DNAH8: variants seen among roughly 807,000 people sequenced by gnomAD.
The protein encoded by DNAH8 is axonemal beta dynein heavy chain 8.
In DNAH8, 382 loss-of-function variants were observed where a neutral mutation model predicts 562.1. That is an observed-to-expected ratio of 0.68 (90% CI 0.63 to 0.74). The LOEUF (loss-of-function observed/expected upper bound fraction) is 0.74, where lower values mean the gene tolerates loss of function less well. Ranked by LOEUF, DNAH8 falls within the 30% of genes least tolerant of loss-of-function variation. DNAH8 has a pLI of 0.00. For synonymous variants in DNAH8, 1,881 were observed against 1,919.4 expected (o/e 0.98, Z 0.52); for missense variants, 5,203 against 5,620.4 (o/e 0.93, Z 2.37).
chr6:38,770,269 G>A (rs1767428128), intron 11 of DNAH8, 144 bp from the exon 12 acceptor site: 2 of 480,586 alleles, frequency 4.2e-6, no homozygotes, highest in Non-Finnish European at 7.0e-6. Flanking sequence ...GTTGAAATGA[G>A]GATGAAAATA....
At chr6:38,776,294 T>G (rs1378216037) in intron 13 of DNAH8, among the ~76,000 whole-genome samples, 1 of 151,434 alleles carries the variant, frequency 6.6e-6, no homozygotes, top group Non-Finnish European at 1.5e-5. Flanking sequence ...CTTGGTTCAC[T>G]GCAACCTCCA....
At position 38,923,470 on chromosome 6, in the gene DNAH8, T is replaced by C. The variant is rs1583364115; in HGVS notation, c.10790+285T>C. 1.5e-5 allele frequency: 4 copies of C among 263,720 alleles called. No individual in the cohort carries two copies. In the East Asian group the frequency reaches 3.4e-4, roughly 22 times the overall value. The allele number at this position is 263,720 out of a possible 1,614,324, so 16.3% of individuals were successfully genotyped here. A position where few individuals can be genotyped will look rare whatever the true frequency, so the allele number is the denominator to read the frequency against. ...TCCAGTTCTCTATGCTTCACCTCAA[T>C]GATTTTGAAAGTGTGGATCAATGGT... On this transcript the variant is annotated intron_variant, in intron 72 of 92. Transcript: ENST00000327475.
chr6:38,893,558 T>G (rs867279184), intron 58 of DNAH8, among the ~76,000 whole-genome samples: 1 of 152,330 alleles, frequency 6.6e-6, no homozygotes, highest in Middle Eastern at 3.4e-3. Context: ...TTTTACATAC[T>G]TGTAATATAA....
At chr6:39,000,994 G>C (rs776619841) in intron 88 of DNAH8, among the ~76,000 whole-genome samples, 32 of 152,150 alleles carry the variant, frequency 2.1e-4, no homozygotes, top group Non-Finnish European at 2.1e-4. Context: ...CTTAGACTGG[G>C]ATGCACACAC....
intron 82 of DNAH8, among the ~76,000 whole-genome samples, chr6:38,960,294 A>G (rs907252310): frequency 2.0e-5 from 3 of 152,070 alleles, no homozygotes; most frequent in Admixed American, 2.0e-4. Context: ...AAGCTTTTGC[A>G]TGGCAAAGGA....
chr6:38,885,618 T>C (rs1778858309), intron 56 of DNAH8, among the ~76,000 whole-genome samples: 1 of 152,186 alleles, frequency 6.6e-6, no homozygotes, highest in Non-Finnish European at 1.5e-5. Context: ...CCGTGACTCT[T>C]TGCTTCCACC....
Position 38,750,482 on chromosome 6 carries a change from C to A in DNAH8, c.1300C>A (p.Arg434Ser). 1 of 1,602,490 alleles carries A rather than the reference C, an allele frequency of 6.2e-7. No homozygotes were observed. Among genetic ancestry groups the A allele is most frequent in the Non-Finnish European group, 8.5e-7 (1 of 1,172,730 alleles). ...TTATACCTTTTTTTCTTAGAATTGGCGTGATTTGGATGCAAGAATCACTGA... is the reference window on the plus strand; with the variant it reads ...TTATACCTTTTTTTCTTAGAATTGGAGTGATTTGGATGCAAGAATCACTGA... ...VAHSKLLKNW[R>S]DLDARITDTA... Residue 434 changes from arginine to serine, a missense_variant, in exon 9 of 93, where the codon CGT (arginine) becomes AGT (serine). Physicochemically the swap from Arg to Ser is moderately radical, Grantham distance 110 (BLOSUM62 -1). Coordinates refer to ENST00000327475, the MANE Select transcript of DNAH8 (RefSeq NM_001206927.2).
chr6:38,950,600 C>T (rs902769008), intron 81 of DNAH8, among the ~76,000 whole-genome samples: 31 of 151,858 alleles, frequency 2.0e-4, no homozygotes, highest in Non-Finnish European at 4.0e-4. Context: ...CCACCACGCC[C>T]GGCTAATTTT....
At chr6:38,849,693 AT>A (rs1448475244) in intron 37 of DNAH8, among the ~76,000 whole-genome samples, 6 of 152,070 alleles carry the variant, frequency 3.9e-5, no homozygotes, top group Non-Finnish European at 8.8e-5. Context: ...AAGAGGAAAG[AT>A]TATGCCAATT....
intron 30 of DNAH8, 103 bp downstream of exon 30, chr6:38,828,391 A>G (rs1773552714): frequency 1.7e-6 from 1 of 605,700 alleles, no homozygotes; most frequent in East Asian, 3.1e-5. Flanking sequence ...CATGTGCCAC[A>G]TAACAATGTT....
At chr6:38,943,536 C>G (rs371621350) in intron 79 of DNAH8, among the ~76,000 whole-genome samples, 23 of 151,982 alleles carry the variant, frequency 1.5e-4, no homozygotes, top group Admixed American at 3.3e-4. Flanking sequence ...TTGCAAGGTG[C>G]CTTTGACTTT....
chr6:38,779,707 T>A (rs776247005), intron 14 of DNAH8, among the ~76,000 whole-genome samples: 2 of 152,224 alleles, frequency 1.3e-5, no homozygotes, highest in South Asian at 4.1e-4. Context: ...CTCTTAGTTA[T>A]AGGCATTTCT....
At chr6:38,946,409 GTCAATTGGATAAAC>G (rs1234103871) in intron 80 of DNAH8, among the ~76,000 whole-genome samples, 4 of 152,340 alleles carry the variant, frequency 2.6e-5, no homozygotes, top group Admixed American at 1.3e-4. Flanking sequence ...TTGGGTCTGA[GTCAATTGGATAAAC>G]TCTCTGGGTT....
At chr6:38,890,892 C>A in intron 58 of DNAH8, 131 bp downstream of exon 58, 1 of 631,442 alleles carries the variant, frequency 1.6e-6, no homozygotes, top group Non-Finnish European at 2.8e-6. Flanking sequence ...ATTACGTGCT[C>A]AAATAGATTT....
At chr6:38,945,360 C>T in intron 79 of DNAH8, 107 bp from the exon 80 acceptor site, 1 of 1,203,630 alleles carries the variant, frequency 8.3e-7, no homozygotes, top group Non-Finnish European at 1.2e-6. Context: ...TCCAATTTTC[C>T]TATATTTTCA....
chr6:38,963,665 C>T (rs2150671234), intron 82 of DNAH8, among the ~76,000 whole-genome samples: 1 of 115,024 alleles, frequency 8.7e-6, no homozygotes, highest in Non-Finnish European at 1.8e-5. Flanking sequence ...CACAGCTGGC[C>T]TGGGAAAGTC....
chr6:38,880,446 G>A (rs999133216), intron 53 of DNAH8, among the ~76,000 whole-genome samples: 16 of 152,134 alleles, frequency 1.1e-4, no homozygotes, highest in South Asian at 6.2e-4. Flanking sequence ...TAGCCAGTGC[G>A]ATGGGGGGAA....
chr6:38,768,963 T>G (rs1478028554), intron 11 of DNAH8, among the ~76,000 whole-genome samples: 1 of 152,226 alleles, frequency 6.6e-6, no homozygotes, highest in East Asian at 1.9e-4. Flanking sequence ...GAACCATAAC[T>G]CTTTACATAG....
chr6:38,971,713 C>A, intron 83 of DNAH8, 48 bp downstream of exon 83: 1 of 1,413,192 alleles, frequency 7.1e-7, no homozygotes, highest in Admixed American at 2.1e-5. Flanking sequence ...GCTAGAAACC[C>A]CACAATCATG....
Sources: gnomAD v4.1 joint callset for allele counts (sites outside exome capture counted in the v4.1 genomes callset) on GRCh38, gnomAD v4.1.1 for gene constraint, MANE v1.5 for transcripts, NCBI Gene and HGNC (gene_info 2026-07-23, HGNC 2026-07-21) for gene names.